TRMT11: variants seen among roughly 807,000 people sequenced by gnomAD.
TRMT11 encodes tRNA methyltransferase 11.
TRMT11 carries 53 observed loss-of-function variants against 62.8 expected under a neutral mutation model. The observed-to-expected ratio is 0.84, with a 90% confidence interval of 0.68 to 1.06. TRMT11 has a LOEUF of 1.06. Ranked by LOEUF, TRMT11 falls within the 50% of genes least tolerant of loss-of-function variation. The pLI, the probability that TRMT11 is intolerant of heterozygous loss-of-function variation, is 0.00. For synonymous variants in TRMT11, 188 were observed against 190.3 expected (o/e 0.99, Z 0.10); for missense variants, 556 against 553.4 (o/e 1.00, Z -0.05).
chr6:126,197,219 T>A (rs961021762), intron 1 of TRMT11, among the ~76,000 whole-genome samples: 3 of 152,194 alleles, frequency 2.0e-5, no homozygotes, highest in African/African-American at 7.2e-5. Context: ...CAGTTATTGC[T>A]CCTTACCACT....
At chr6:126,251,645 G>A in the TRMT11 span, among the ~76,000 whole-genome samples, 5 of 151,990 alleles carry the variant, frequency 3.3e-5, no homozygotes, top group African/African-American at 1.2e-4. Flanking sequence ...TCCCCAGCCC[G>A]TGGTAACCTC....
intron 11 of TRMT11, among the ~76,000 whole-genome samples, chr6:126,020,404 A>G (rs1395908260): frequency 6.6e-6 from 1 of 152,168 alleles, no homozygotes; most frequent in East Asian, 1.9e-4. Flanking sequence ...TCTTTGGCCA[A>G]GATTGATGCT....
At chr6:126,267,302 A>T in the TRMT11 span, among the ~76,000 whole-genome samples, 1 of 152,206 alleles carries the variant, frequency 6.6e-6, no homozygotes, top group Admixed American at 6.5e-5. Context: ...GGATGTAGGT[A>T]TGATGAGCCT....
At position 126,008,468 on chromosome 6, in the gene TRMT11, C is replaced by T. The variant is rs368950396; in HGVS notation, c.756C>T (p.Gly252=). The T allele has an allele frequency of 1.2e-5, 20 of 1,611,660 alleles. 1 individual carries two copies. The highest frequency in any genetic ancestry group is 1.2e-4 in the African/African-American group (9 of 74,826). ...GTDIDYNTVH[G]LGKATRKNQK... ...ACATAGACTACAACACAGTTCATGG[C>T]TTGGGTGAGTAGAGATTATAGACAG... Residue 252 remains glycine (G), a synonymous_variant, in exon 8 of 13, where the codon GGC becomes GGT. Coordinates refer to ENST00000334379, the MANE Select transcript of TRMT11 (RefSeq NM_001031712.3).
At chr6:126,030,917 ATTCTATTAAATTAACTC>A (rs939689763) in intron 12 of TRMT11, among the ~76,000 whole-genome samples, 51 of 152,318 alleles carry the variant, frequency 3.3e-4, no homozygotes, top group African/African-American at 1.2e-3. Context: ...AGTTTCAGGA[ATTCTATTAAATTAACTC>A]TTGGCAATGA....
At chr6:126,172,454 A>C (rs1039337930), upstream of TRMT11, among the ~76,000 whole-genome samples, 13 of 152,190 alleles carry the variant, frequency 8.5e-5, no homozygotes, top group Non-Finnish European at 1.6e-4. Context: ...ATTTCATTAC[A>C]TCTGAAAAGA....
chr6:126,238,720 A>G, the TRMT11 span, among the ~76,000 whole-genome samples: 1 of 152,184 alleles, frequency 6.6e-6, no homozygotes, highest in East Asian at 1.9e-4. Flanking sequence ...GTAGATGTCT[A>G]TTAGGTCCGC....
At chr6:126,074,985 ATAGT>A (rs1448724347) in intron 17 of TRMT11, among the ~76,000 whole-genome samples, 13 of 152,300 alleles carry the variant, frequency 8.5e-5, no homozygotes, top group African/African-American at 2.9e-4. Flanking sequence ...TTTAAAAATA[ATAGT>A]TGATAATACA....
intron 17 of TRMT11, among the ~76,000 whole-genome samples, chr6:126,087,382 A>G (rs886115189): frequency 2.0e-4 from 31 of 152,250 alleles, no homozygotes; most frequent in African/African-American, 7.5e-4. Flanking sequence ...AGTACTGCCA[A>G]CACTTTAAAG....
intron 21 of TRMT11, among the ~76,000 whole-genome samples, chr6:126,125,449 C>T (rs1160203482): frequency 6.6e-6 from 1 of 151,936 alleles, no homozygotes; most frequent in Non-Finnish European, 1.5e-5. Flanking sequence ...TTATAAACAT[C>T]TCTCTGAATA....
chr6:126,178,515 T>G (rs1281563569), intron 1 of TRMT11, among the ~76,000 whole-genome samples: 1 of 152,232 alleles, frequency 6.6e-6, no homozygotes, highest in Non-Finnish European at 1.5e-5. Context: ...GACTATATTC[T>G]TCTTCATACA....
chr6:126,002,894 T>G (rs1223922212), intron 7 of TRMT11, among the ~76,000 whole-genome samples: 1 of 152,142 alleles, frequency 6.6e-6, no homozygotes, highest in South Asian at 2.1e-4. Context: ...TTCGCTACTT[T>G]CTTACACAAA....
chr6:126,105,180 A>G (rs1218990144), intron 17 of TRMT11, among the ~76,000 whole-genome samples: 2 of 152,226 alleles, frequency 1.3e-5, no homozygotes, highest in African/African-American at 2.4e-5. Context: ...CAATTGAAAC[A>G]TTCCATGGAC....
Position 126,090,408 on chromosome 6 carries a change from C to T in TRMT11, c.*1438-22458C>T, listed in dbSNP as rs139018982. 8.4e-4 allele frequency among the ~76,000 whole-genome samples: 128 copies of T among 152,284 alleles called. 5 individuals carry two copies. Among genetic ancestry groups the T allele is most frequent in the Non-Finnish European group, 2.2e-4 (15 of 68,026 alleles). On this transcript the variant is annotated intron_variant and NMD_transcript_variant, in intron 17 of 22. Coordinates refer to the TRMT11 transcript ENST00000648977. ...CTGTGAAAGTTGTGAAAAGCCTTCA[C>T]CCTGATCTGATTAGATTTCTACTAC...
At chr6:126,002,881 A>G (rs1162696221) in intron 7 of TRMT11, among the ~76,000 whole-genome samples, 3 of 151,804 alleles carry the variant, frequency 2.0e-5, no homozygotes, top group Non-Finnish European at 4.4e-5. Flanking sequence ...ACATTTTCTT[A>G]TTTTCGCTAC....
chr6:126,051,641 G>A (rs965807841), intron 16 of TRMT11, among the ~76,000 whole-genome samples: 4 of 152,136 alleles, frequency 2.6e-5, no homozygotes, highest in African/African-American at 9.7e-5. Flanking sequence ...GAAATATTTA[G>A]AAGGTGAGTG....
At position 125,986,589 on chromosome 6, in the gene TRMT11, C is replaced by T. The variant is rs752553465; in HGVS notation, c.39C>T (p.Leu13=). The change falls in exon 1 of 13, where the codon CTC becomes CTT. Residue 13 remains leucine (L), a synonymous_variant. Coordinates refer to ENST00000334379, the MANE Select transcript of TRMT11 (RefSeq NM_001031712.3). ...GTACCCTTAACAGGTATCTGCTCCT[C>T]ATGGCGCAGGAGCATCTGGAGTTCC... The part of the protein sequence containing the change: ...LSCTLNRYLL[L]MAQEHLEFRL... 6 of 1,588,664 alleles carry T rather than the reference C, an allele frequency of 3.8e-6. No individual in the cohort carries two copies. Among genetic ancestry groups the T allele is most frequent in the Non-Finnish European group, 3.4e-6 (4 of 1,169,800 alleles).
chr6:126,013,402 A>G lies in TRMT11; in HGVS notation c.1139+301A>G, dbSNP rs540856990. 1.3e-5 allele frequency among the ~76,000 whole-genome samples: 2 copies of G among 152,160 alleles called. 1 individual carries two copies. The highest frequency in any genetic ancestry group is 1.3e-4 in the Admixed American group (2 of 15,274). On this transcript the variant is annotated intron_variant, in intron 11 of 12. Coordinates refer to ENST00000334379, the MANE Select transcript of TRMT11 (RefSeq NM_001031712.3). ...CTCCTGAGTAGCTGGGACTACAGGC[A>G]TGCGTCACCATGCTCAGCTATTTTT...
intron 21 of TRMT11, among the ~76,000 whole-genome samples, chr6:126,121,083 A>G (rs1777644562): frequency 6.6e-6 from 1 of 152,010 alleles, no homozygotes; most frequent in Non-Finnish European, 1.5e-5. Flanking sequence ...TGATCTCCCC[A>G]TCCTTTGAAC....
Sources: allele counts gnomAD v4.1 joint callset (sites outside exome capture counted in the v4.1 genomes callset), GRCh38; gene constraint gnomAD v4.1.1; transcripts MANE v1.5; gene names NCBI Gene and HGNC (gene_info 2026-07-23, HGNC 2026-07-21).